OSBPL10: variants seen among roughly 807,000 people sequenced by gnomAD.
OSBPL10 encodes the protein oxysterol-binding protein-related protein 10.
Under a neutral mutation model 81.7 loss-of-function variants are expected in OSBPL10, and 49 were observed. The ratio of observed to expected loss-of-function variants is 0.60; its 90% CI spans 0.48 to 0.76. The LOEUF is 0.76. OSBPL10 is among the 30% of genes least tolerant of loss of function. OSBPL10 has a pLI of 0.00. For missense variants in OSBPL10, 923 were observed against 987.8 expected, an observed-to-expected ratio of 0.93 and a Z score of 0.88; for synonymous variants, 419 against 383.6, an observed-to-expected ratio of 1.09 and a Z score of -1.08.
chr3:31,948,166 C>T (rs1697756346), intron 1 of OSBPL10, among the ~76,000 whole-genome samples: 1 of 152,122 alleles, frequency 6.6e-6, no homozygotes, highest in South Asian at 2.1e-4. Flanking sequence ...GGCTGGGTGC[C>T]CTGACCCAGT....
intron 1 of OSBPL10, among the ~76,000 whole-genome samples, chr3:31,930,494 G>A (rs1052939040): frequency 2.0e-5 from 3 of 152,082 alleles, no homozygotes; most frequent in Non-Finnish European, 2.9e-5. Flanking sequence ...GTGCACATGC[G>A]AGAAAGTATG....
At chr3:31,991,899 C>T (rs988824335) in intron 2 of OSBPL10, among the ~76,000 whole-genome samples, 49 of 151,860 alleles carry the variant, frequency 3.2e-4, no homozygotes, top group Non-Finnish European at 5.7e-4. Flanking sequence ...TGGCTCATGC[C>T]TGTAATCCCA....
At chr3:31,748,155 C>T (rs942600156) in intron 4 of OSBPL10, 35 bp from the exon 5 acceptor site, 3 of 1,570,152 alleles carry the variant, frequency 1.9e-6, no homozygotes, top group Non-Finnish European at 8.7e-7. Flanking sequence ...AGGTGAGGGG[C>T]GGAAGTTCTT....
In OSBPL10 at chr3:32,063,533, T is replaced by C. The variant is rs1279084227; in HGVS notation, n.185+13863A>G. 5.4e-5 allele frequency among the ~76,000 whole-genome samples: 5 copies of C among 92,296 alleles called. 1 individual carries two copies. The highest frequency in any genetic ancestry group is 1.4e-4 in the African/African-American group (5 of 35,846). The allele number at this position is 92,296 out of a possible 152,430, so 60.5% of individuals were successfully genotyped here. On this transcript the variant is annotated intron_variant and non_coding_transcript_variant, in intron 1 of 3. Transcript: ENST00000479173. ...GGAAGATTCAGTGCAAATTTGGCCC[T>C]GGGCTATCAGGGAGATGTAGGCAAG...
At chr3:31,876,965 G>A (rs1226087559) in intron 2 of OSBPL10, among the ~76,000 whole-genome samples, 4 of 149,814 alleles carry the variant, frequency 2.7e-5, no homozygotes, top group African/African-American at 7.4e-5. Flanking sequence ...GTGCAGTGGC[G>A]CCAACTCAGC....
chr3:31,805,703 T>C (rs1457127341), intron 4 of OSBPL10, among the ~76,000 whole-genome samples: 2 of 152,160 alleles, frequency 1.3e-5, no homozygotes, highest in Non-Finnish European at 2.9e-5. Flanking sequence ...CGCTGAATGC[T>C]CAGCCATCAC....
chr3:31,969,823 C>G (rs1488764027), intron 1 of OSBPL10, among the ~76,000 whole-genome samples: 1 of 151,604 alleles, frequency 6.6e-6, no homozygotes, highest in East Asian at 1.9e-4. Context: ...CCACTGCACT[C>G]CAGCCTGGGC....
intron 6 of OSBPL10, among the ~76,000 whole-genome samples, chr3:31,720,241 A>T (rs965817923): frequency 1.3e-5 from 2 of 152,146 alleles, no homozygotes; most frequent in East Asian, 1.9e-4. Flanking sequence ...CAATAATTTT[A>T]AAAACCCTCC....
chr3:31,894,035 G>GAT (rs377145588), intron 1 of OSBPL10, among the ~76,000 whole-genome samples: 123 of 152,292 alleles, frequency 8.1e-4, no homozygotes, highest in African/African-American at 2.8e-3. Flanking sequence ...TAATACAAGT[G>GAT]ATATCTACAG....
chr3:31,769,460 A>AAC lies in OSBPL10; in HGVS notation c.730-21341_730-21340insGT, dbSNP rs1559456940. ...AACTCCATCTCAAAAAAAAAAAAAC[A>AAC]AAAAAAAAACAAAAAAAAACAGAAT... On this transcript the variant is annotated intron_variant, in intron 4 of 11. Transcript: ENST00000396556. Among the ~76,000 whole-genome samples the AAC allele has an allele frequency of 4.2e-4, 34 of 81,196 alleles. 5 individuals carry two copies. The highest frequency in any genetic ancestry group is 3.4e-3 in the South Asian group (7 of 2,044). The allele number at this position is 81,196 out of a possible 152,430, so 53.3% of individuals were successfully genotyped here.
At chr3:31,815,869 C>G (rs184834991) in intron 4 of OSBPL10, among the ~76,000 whole-genome samples, 3 of 152,130 alleles carry the variant, frequency 2.0e-5, no homozygotes, top group Admixed American at 2.0e-4. Flanking sequence ...TTGTCTCGAG[C>G]CTTAGGGCAC....
At chr3:31,789,368 T>C (rs1698951102) in intron 4 of OSBPL10, among the ~76,000 whole-genome samples, 1 of 152,224 alleles carries the variant, frequency 6.6e-6, no homozygotes, top group Non-Finnish European at 1.5e-5. Flanking sequence ...GGGGTCTTTC[T>C]TCAGGTCCTT....
intron 1 of OSBPL10, among the ~76,000 whole-genome samples, chr3:31,907,164 G>A (rs1696430475): frequency 6.6e-6 from 1 of 152,146 alleles, no homozygotes; most frequent in Admixed American, 6.6e-5. Flanking sequence ...GGCTTTTGAG[G>A]ATCTGCTATA....
At chr3:31,792,860 CTGTGTGTGTGTGTGTGTGTGTGTG>C (rs6147757) in intron 4 of OSBPL10, among the ~76,000 whole-genome samples, 31 of 126,708 alleles carry the variant, frequency 2.4e-4, no homozygotes, top group African/African-American at 2.7e-4. Context: ...TCTAGGCACT[CTGTGTGTGTGTGTGTGTGTGTGTG>C]TGTGTGTGTG....
At chr3:31,870,932 T>G (rs1308420195) in intron 3 of OSBPL10, among the ~76,000 whole-genome samples, 1 of 152,148 alleles carries the variant, frequency 6.6e-6, no homozygotes, top group South Asian at 2.1e-4. Flanking sequence ...AACCTGTGTG[T>G]CTATACTCTG....
chr3:31,990,800 C>A (rs759351448), intron 2 of OSBPL10: 4 of 1,608,640 alleles, frequency 2.5e-6, no homozygotes, highest in South Asian at 1.1e-5. Context: ...TTTGACGAGG[C>A]CTTCAGTCAA....
chr3:31,705,227 A>G (rs1434252410), intron 6 of OSBPL10, among the ~76,000 whole-genome samples: 2 of 152,132 alleles, frequency 1.3e-5, no homozygotes, highest in Middle Eastern at 3.2e-3. Context: ...TTCTCTCCCA[A>G]TGTGATTTGT....
intron 2 of OSBPL10, among the ~76,000 whole-genome samples, chr3:31,996,388 T>C (rs17028710): frequency 0.07 from 10,611 of 152,284 alleles, 649 homozygotes; most frequent in East Asian, 0.32. Flanking sequence ...GATATGATTG[T>C]GGGTTGTTTC....
intron 4 of OSBPL10, among the ~76,000 whole-genome samples, chr3:31,787,915 AATGGAAT>A: frequency 6.6e-6 from 1 of 152,332 alleles, no homozygotes; most frequent in South Asian, 2.1e-4. Flanking sequence ...TAAATATATA[AATGGAAT>A]ATAGTTACTT....
Sources: allele counts gnomAD v4.1 joint callset (sites outside exome capture counted in the v4.1 genomes callset), GRCh38; gene constraint gnomAD v4.1.1; transcripts MANE v1.5; gene names NCBI Gene and HGNC (gene_info 2026-07-23, HGNC 2026-07-21).